ABTB3: variants seen among roughly 807,000 people sequenced by gnomAD.
The protein encoded by ABTB3 is ankyrin repeat and BTB domain containing 3.
the ABTB3 span, among the ~76,000 whole-genome samples, chr12:107,368,136 A>G: frequency 2.0e-5 from 3 of 152,224 alleles, no homozygotes; most frequent in Non-Finnish European, 4.4e-5. Flanking sequence ...GCTTAAAATT[A>G]TGCAGGTTTA....
At chr12:107,322,993 G>A in the ABTB3 span, among the ~76,000 whole-genome samples, 1 of 152,188 alleles carries the variant, frequency 6.6e-6, no homozygotes, top group Non-Finnish European at 1.5e-5. Context: ...TCTATCCCCT[G>A]CTAAGCCTAA....
At chr12:107,564,001 AAG>A in the ABTB3 span, among the ~76,000 whole-genome samples, 4 of 152,082 alleles carry the variant, frequency 2.6e-5, no homozygotes, top group African/African-American at 9.7e-5. Context: ...GAAAGGATTG[AAG>A]AGAGAAACTG....
chr12:107,415,429 C>T, the ABTB3 span, among the ~76,000 whole-genome samples: 1 of 152,078 alleles, frequency 6.6e-6, no homozygotes, highest in Non-Finnish European at 1.5e-5. Flanking sequence ...ACAAACTGGG[C>T]TGGGCGTGGT....
chr12:107,498,666 C>T, the ABTB3 span, among the ~76,000 whole-genome samples: 2 of 152,184 alleles, frequency 1.3e-5, no homozygotes, highest in Non-Finnish European at 2.9e-5. Context: ...ACTGAATCCC[C>T]CACCTCCCTC....
chr12:107,649,353 G>A, the ABTB3 span: 1 of 1,340,864 alleles, frequency 7.5e-7, no homozygotes, highest in Non-Finnish European at 1.1e-6. Flanking sequence ...TCACCAGCCT[G>A]CATGGAAGTG....
At chr12:107,519,977 G>A in the ABTB3 span, among the ~76,000 whole-genome samples, 2 of 152,102 alleles carry the variant, frequency 1.3e-5, no homozygotes, top group African/African-American at 4.8e-5. Context: ...CTGACATATA[G>A]CTCCACAGAG....
chr12:107,425,052 C>T, the ABTB3 span, among the ~76,000 whole-genome samples: 1 of 152,158 alleles, frequency 6.6e-6, no homozygotes, highest in South Asian at 2.1e-4. Context: ...CTCACACCCT[C>T]GATTGCCTGC....
At chr12:107,350,793 G>C in the ABTB3 span, among the ~76,000 whole-genome samples, 1 of 152,182 alleles carries the variant, frequency 6.6e-6, no homozygotes, top group African/African-American at 2.4e-5. Context: ...GCCTGGTATT[G>C]AACATGGTCT....
the ABTB3 span, among the ~76,000 whole-genome samples, chr12:107,602,050 C>T: frequency 8.5e-5 from 13 of 152,252 alleles, no homozygotes; most frequent in East Asian, 5.8e-4. Flanking sequence ...TGGGAGCTGC[C>T]GGTTACCTTC....
the ABTB3 span, among the ~76,000 whole-genome samples, chr12:107,390,567 C>T: frequency 2.6e-5 from 4 of 152,168 alleles, no homozygotes; most frequent in African/African-American, 9.7e-5. Context: ...GAGGCAGTGT[C>T]AGTACTGGTT....
chr12:107,554,414 G>C, the ABTB3 span, among the ~76,000 whole-genome samples: 2 of 152,078 alleles, frequency 1.3e-5, no homozygotes, highest in Admixed American at 6.5e-5. Context: ...CTCATTAGCT[G>C]TGTGGCCTTA....
At chr12:107,490,175 G>T in the ABTB3 span, among the ~76,000 whole-genome samples, 1 of 152,070 alleles carries the variant, frequency 6.6e-6, no homozygotes, top group Non-Finnish European at 1.5e-5. Flanking sequence ...ATGTGCACTG[G>T]CTGTTGTTTA....
the ABTB3 span, among the ~76,000 whole-genome samples, chr12:107,477,011 T>TA: frequency 1.3e-5 from 2 of 152,292 alleles, no homozygotes; most frequent in South Asian, 4.1e-4. Context: ...GTCCAGCTTT[T>TA]GGAAGAAATC....
chr12:107,452,307 A>G, the ABTB3 span, among the ~76,000 whole-genome samples: 4 of 145,078 alleles, frequency 2.8e-5, no homozygotes, highest in Non-Finnish European at 5.9e-5. Flanking sequence ...TCCTGGGTTC[A>G]CGCCATTCTC....
chr12:107,493,405 A>G, the ABTB3 span, among the ~76,000 whole-genome samples: 7 of 152,194 alleles, frequency 4.6e-5, no homozygotes, highest in Non-Finnish European at 1.0e-4. Flanking sequence ...CAGCACTTGC[A>G]GGCAACGTTT....
chr12:107,437,697 C>G, the ABTB3 span, among the ~76,000 whole-genome samples: 1 of 152,140 alleles, frequency 6.6e-6, no homozygotes, highest in Non-Finnish European at 1.5e-5. Context: ...CCACCACACC[C>G]GGCCGGAGCC....
At chr12:107,319,012 C>G in the ABTB3 span, 1 of 1,613,538 alleles carries the variant, frequency 6.2e-7, no homozygotes, top group African/African-American at 1.3e-5. Context: ...GTTATGGTGG[C>G]GCGGCGGACT....
the ABTB3 span, among the ~76,000 whole-genome samples, chr12:107,535,252 A>G: frequency 1.3e-5 from 2 of 152,164 alleles, no homozygotes; most frequent in Non-Finnish European, 2.9e-5. Context: ...TAAACTCTCA[A>G]CAAATTAGGC....
At chr12:107,619,934 C>T in the ABTB3 span, 1 of 1,484,062 alleles carries the variant, frequency 6.7e-7, no homozygotes, top group Non-Finnish European at 9.0e-7. Flanking sequence ...CCACCTTTCC[C>T]CTCTCTCTCC....
Sources: gnomAD v4.1 joint callset for allele counts (sites outside exome capture counted in the v4.1 genomes callset) on GRCh38, gnomAD v4.1.1 for gene constraint, MANE v1.5 for transcripts, NCBI Gene and HGNC (gene_info 2026-07-23, HGNC 2026-07-21) for gene names.